The following ABCA12 variants were observed in gnomAD, a reference collection of about 807,000 sequenced individuals.
ABCA12 encodes glucosylceramide transporter ABCA12.
ABCA12 carries 156 observed loss-of-function variants against 293.5 expected under a neutral mutation model. The ratio of observed to expected loss-of-function variants is 0.53; its 90% CI spans 0.47 to 0.61. The LOEUF is 0.61. Ranked by LOEUF, ABCA12 falls within the 20% of genes least tolerant of loss-of-function variation. The pLI, the probability that ABCA12 is intolerant of heterozygous loss-of-function variation, is 0.00. For synonymous variants in ABCA12, 1,063 were observed against 1,108.0 expected (o/e 0.96, Z 0.81); for missense variants, 2,797 against 3,090.2 (o/e 0.91, Z 2.25).
intron 2 of ABCA12, among the ~76,000 whole-genome samples, chr2:215,068,070 C>T (rs906770953): frequency 6.6e-6 from 1 of 152,144 alleles, no homozygotes; most frequent in African/African-American, 2.4e-5. Context: ...CTATTCTGAA[C>T]ACTGTCAGTG....
intron 2 of ABCA12, among the ~76,000 whole-genome samples, chr2:215,092,470 T>C (rs1702167907): frequency 6.6e-6 from 1 of 151,926 alleles, no homozygotes; most frequent in African/African-American, 2.4e-5. Flanking sequence ...CCCCCGACCT[T>C]AACCCACAAG....
At chr2:215,111,837 TGAGA>T in intron 1 of ABCA12, 147 bp from the exon 2 acceptor site, 1 of 654,434 alleles carries the variant, frequency 1.5e-6, no homozygotes, top group South Asian at 1.9e-5. Context: ...AAAAAGTGAA[TGAGA>T]GATTTTTTTA....
intron 17 of ABCA12, 56 bp from the exon 18 acceptor site, chr2:215,010,526 C>G: frequency 6.3e-7 from 1 of 1,583,570 alleles, no homozygotes; most frequent in South Asian, 1.1e-5. Flanking sequence ...AATCCATTTC[C>G]ACATGGCAAA....
chr2:214,932,338 A>C lies in ABCA12; in HGVS notation c.*296T>G, dbSNP rs139852425. ...AACTGTCTTTTTATTGAAAGTAATA[A>C]ATTAAGATATTCATCTTGAGGTGGC... On this transcript the variant is annotated 3_prime_UTR_variant, in exon 53 of 53. Transcript: ENST00000272895. 1 of 327,436 alleles carries C rather than the reference A, an allele frequency of 3.1e-6. No homozygotes were observed. Among genetic ancestry groups the C allele is most frequent in the East Asian group, 6.7e-5 (1 of 14,890 alleles). The allele number at this position is 327,436 out of a possible 1,614,324, so 20.3% of individuals were successfully genotyped here.
chr2:215,074,724 A>G (rs1701801230), intron 2 of ABCA12, among the ~76,000 whole-genome samples: 1 of 152,120 alleles, frequency 6.6e-6, no homozygotes, highest in African/African-American at 2.4e-5. Context: ...TGGGCCGATC[A>G]TGAGGTCAGG....
intron 44 of ABCA12, among the ~76,000 whole-genome samples, chr2:214,951,412 C>T (rs1424994100): frequency 2.0e-5 from 3 of 152,130 alleles, no homozygotes; most frequent in African/African-American, 4.8e-5. Context: ...TAAGGAACTC[C>T]AGAATCATTA....
chr2:215,043,543 T>C (rs1282498374), intron 7 of ABCA12, among the ~76,000 whole-genome samples: 1 of 151,700 alleles, frequency 6.6e-6, no homozygotes, highest in Admixed American at 6.6e-5. Context: ...AGATCTTCTG[T>C]CTTTTAGTAA....
intron 51 of ABCA12, among the ~76,000 whole-genome samples, chr2:214,934,846 C>G (rs1319263458): frequency 2.0e-5 from 3 of 152,142 alleles, no homozygotes; most frequent in African/African-American, 7.2e-5. Flanking sequence ...TATTTTTCCT[C>G]TAAAATACCT....
intron 23 of ABCA12, among the ~76,000 whole-genome samples, chr2:214,992,516 C>CA (rs1160008983): frequency 1.7e-4 from 9 of 53,778 alleles, no homozygotes; most frequent in East Asian, 1.9e-3. Flanking sequence ...ACCTAGTATC[C>CA]CCCCCCTTTT....
intron 37 of ABCA12, among the ~76,000 whole-genome samples, chr2:214,969,809 C>G (rs914243028): frequency 4.6e-5 from 7 of 151,936 alleles, no homozygotes; most frequent in Non-Finnish European, 4.4e-5. Context: ...GAAGGTCTAC[C>G]AACTTTGTGT....
intron 20 of ABCA12, among the ~76,000 whole-genome samples, chr2:215,002,118 C>T (rs1240249077): frequency 6.6e-6 from 1 of 152,108 alleles, no homozygotes. Context: ...GAAATGCCTG[C>T]TTTGTACACG....
rs1420501860 is a variant in ABCA12 at position 214,992,526 on chromosome 2, T to TCC, written c.3295-1496_3295-1495insGG. On this transcript the variant is annotated intron_variant, in intron 23 of 52. Transcript: ENST00000272895. ...TATCAACCTAGTATCCCCCCCCTTT[T>TCC]TTTTTTTTTTTTTTTTAGGAAAAAA... 8.2e-3 allele frequency among the ~76,000 whole-genome samples: 1,123 copies of TCC among 137,720 alleles called. 27 individuals are homozygous for TCC. The highest frequency in any genetic ancestry group is 0.03 in the African/African-American group (1,026 of 34,278). The allele number at this position is 137,720 out of a possible 152,430, so 90.3% of individuals were successfully genotyped here.
At chr2:215,001,774 T>G (rs924304805) in intron 20 of ABCA12, 37 bp from the exon 21 acceptor site, 1 of 1,584,306 alleles carries the variant, frequency 6.3e-7, no homozygotes, top group South Asian at 1.1e-5. Context: ...AAAAAAATTA[T>G]GGTCCTGATT....
intron 26 of ABCA12, 142 bp downstream of exon 26, chr2:214,989,187 C>CGT: frequency 3.6e-5 from 1 of 28,016 alleles, no homozygotes; most frequent in Admixed American, 7.5e-4. Context: ...TCAATACATA[C>CGT]ATATATATAT....
intron 4 of ABCA12, among the ~76,000 whole-genome samples, chr2:215,053,309 T>C (rs1292740474): frequency 6.6e-6 from 1 of 152,126 alleles, no homozygotes; most frequent in Admixed American, 6.6e-5. Context: ...TCTTTTGTCA[T>C]CCTCAGAGCA....
Position 215,047,826 on chromosome 2 carries a change from C to A in ABCA12, c.693+1800G>T, listed in dbSNP as rs367860122. Among the ~76,000 whole-genome samples, 238 of 152,154 alleles carry A rather than the reference C, an allele frequency of 1.6e-3. 3 individuals are homozygous for A. In the South Asian group the frequency reaches 0.026, roughly 17 times the overall value. On this transcript the variant is annotated intron_variant, in intron 6 of 52. Coordinates refer to ENST00000272895, the MANE Select transcript of ABCA12 (RefSeq NM_173076.3). ...AAAAGCAAAAGTTGACAAATGGGAT[C>A]TAATTAAACTTAACAGCTTCTGCAC... is the stretch of plus-strand genomic sequence containing the variant.
intron 3 of ABCA12, among the ~76,000 whole-genome samples, chr2:215,056,978 T>C (rs1288563595): frequency 6.6e-6 from 1 of 152,060 alleles, no homozygotes; most frequent in Non-Finnish European, 1.5e-5. Flanking sequence ...TTATTTCATA[T>C]CTATCTGTAC....
chr2:215,053,650 T>A (rs951520355), intron 4 of ABCA12, among the ~76,000 whole-genome samples: 1 of 152,020 alleles, frequency 6.6e-6, no homozygotes, highest in Non-Finnish European at 1.5e-5. Flanking sequence ...TTTTACTTGC[T>A]CCATCAACTT....
intron 15 of ABCA12, among the ~76,000 whole-genome samples, chr2:215,012,482 T>C (rs1700399698): frequency 6.6e-6 from 1 of 152,172 alleles, no homozygotes; most frequent in African/African-American, 2.4e-5. Flanking sequence ...ATGTACAATA[T>C]GTATGAAACA....
Sources: gnomAD v4.1 joint callset for allele counts (sites outside exome capture counted in the v4.1 genomes callset) on GRCh38, gnomAD v4.1.1 for gene constraint, MANE v1.5 for transcripts, NCBI Gene and HGNC (gene_info 2026-07-23, HGNC 2026-07-21) for gene names.